The following GK variants were observed in gnomAD, a reference collection of about 807,000 sequenced individuals.
The protein encoded by GK is ATP:glycerol 3-phosphotransferase.
A neutral mutation model predicts 56.4 loss-of-function variants in GK; 9 were observed. The observed-to-expected ratio is 0.16, with a 90% CI of 0.10 to 0.28. The LOEUF (loss-of-function observed/expected upper bound fraction) is 0.28. Among genes scored for constraint, GK ranks in the 10% least tolerant of loss-of-function variants. GK has a pLI of 1.00. For synonymous variants in GK, 104 were observed against 144.1 expected (o/e 0.72, Z 1.99); for missense variants, 161 against 431.4 (o/e 0.37, Z 5.55).
chrX:30,695,203 C>A, intron 6 of GK: 1 of 865,247 alleles, frequency 1.2e-6, no homozygotes, highest in Non-Finnish European at 1.5e-6. Flanking sequence ...TCTCACTTGA[C>A]AGATCCACAG....
intron 1 of GK, among the ~76,000 whole-genome samples, chrX:30,659,998 C>T (rs1932626897): frequency 8.9e-6 from 1 of 111,925 alleles, no homozygotes; most frequent in African/African-American, 3.2e-5. Flanking sequence ...ATCCACCCAC[C>T]TCGGCCTTCC....
rs1279030524 is a variant in GK at position 30,700,452 on chromosome X, A to G, written c.783+3A>G. The G allele has an allele frequency of 1.7e-6, 2 of 1,180,638 alleles. No individual in the cohort carries two copies. Among genetic ancestry groups the G allele is most frequent in the Non-Finnish European group, 2.3e-6 (2 of 867,804 alleles). ...TGGAAGGTGTGCCAATATCTGGGGT[A>G]AGTTTCATCACCAAGTGTCTCCCCA... On this transcript the variant is annotated splice_donor_region_variant and intron_variant, in intron 10 of 20. Transcript: ENST00000427190.
intron 1 of GK, among the ~76,000 whole-genome samples, chrX:30,662,375 T>G (rs1168841127): frequency 1.8e-5 from 2 of 112,284 alleles, no homozygotes; most frequent in African/African-American, 6.5e-5. Flanking sequence ...TAAGGTGGTG[T>G]CAGTCTCCTA....
In GK at chrX:30,729,891, A is replaced by T. The variant is rs1937283889; in HGVS notation, c.*1149A>T. 1 of 112,122 alleles carries T rather than the reference A, an allele frequency of 8.9e-6. No homozygotes were observed. The highest frequency in any genetic ancestry group is 1.9e-5 in the Non-Finnish European group (1 of 53,088). The allele number at this position is 112,122 out of a possible 1,213,427, so 9.2% of individuals were successfully genotyped here. On this transcript the variant is annotated 3_prime_UTR_variant, in exon 21 of 21. Coordinates refer to ENST00000427190, the MANE Select transcript of GK (RefSeq NM_001205019.2). Reference sequence around the variant, plus strand: ...TGGATCCTATTGAGGGGATAAGAGGATGTCAAAAAAGTTAAATACCTAAGT... The same window carrying T: ...TGGATCCTATTGAGGGGATAAGAGGTTGTCAAAAAAGTTAAATACCTAAGT...
At chrX:30,683,988 C>T (rs1375905438) in intron 4 of GK, among the ~76,000 whole-genome samples, 1 of 111,851 alleles carries the variant, frequency 8.9e-6, no homozygotes, top group African/African-American at 3.3e-5. Context: ...ACGGGGTTTC[C>T]TCTACCCACC....
At chrX:30,701,467 A>G (rs1384279762) in intron 11 of GK, among the ~76,000 whole-genome samples, 2 of 112,407 alleles carry the variant, frequency 1.8e-5, no homozygotes, top group African/African-American at 6.5e-5. Context: ...TTTATATCCT[A>G]AAAACTAAAT....
rs1438174027 is a variant in GK at position 30,729,537 on chromosome X, G to A, written c.*795G>A. 1.8e-5 allele frequency: 2 copies of A among 109,259 alleles called. No individual in the cohort carries two copies. The highest frequency in any genetic ancestry group is 3.3e-5 in the African/African-American group (1 of 30,297). The allele number at this position is 109,259 out of a possible 1,213,427, so 9.0% of individuals were successfully genotyped here. On this transcript the variant is annotated 3_prime_UTR_variant, in exon 21 of 21. Transcript: ENST00000427190. ...ATTAAGAGCACATTATATTCAGAAG[G>A]TTCTAACAGGGCTGGTCTTAAGTGA...
chrX:30,715,632 T>C (rs1936578157), intron 13 of GK, among the ~76,000 whole-genome samples: 4 of 112,163 alleles, frequency 3.6e-5, no homozygotes. Context: ...TTTTAGGTTT[T>C]GGCTGCTATA....
rs1434331062 is a variant in GK, at chrX:30,729,973, G to C, written c.*1231G>C. ...TCTTTCAGTTCAAATGTTATCAATT[G>C]TTAATAAGAAATTGCTATCTGGGAT... is the stretch of plus-strand genomic sequence containing the variant. On this transcript the variant is annotated 3_prime_UTR_variant, in exon 21 of 21. Transcript: ENST00000427190. 1.8e-5 allele frequency: 2 copies of C among 112,016 alleles called. No homozygotes were observed. Among genetic ancestry groups the C allele is most frequent in the Non-Finnish European group, 3.8e-5 (2 of 53,069 alleles). The allele number at this position is 112,016 out of a possible 1,213,427, so 9.2% of individuals were successfully genotyped here.
At chrX:30,657,446 A>G (rs1468442164) in intron 1 of GK, among the ~76,000 whole-genome samples, 1 of 112,286 alleles carries the variant, frequency 8.9e-6, no homozygotes, top group African/African-American at 3.2e-5. Flanking sequence ...AGGAGGGGCC[A>G]TTTCTTTGTA....
At chrX:30,702,597 C>T (rs767124909) in intron 11 of GK, among the ~76,000 whole-genome samples, 13 of 111,984 alleles carry the variant, frequency 1.2e-4, no homozygotes, top group Non-Finnish European at 1.7e-4. Context: ...CAGCACACAA[C>T]TAGTAAGTGG....
intron 1 of GK, among the ~76,000 whole-genome samples, chrX:30,659,224 G>C (rs1244086260): frequency 9.0e-6 from 1 of 111,500 alleles, no homozygotes; most frequent in Non-Finnish European, 1.9e-5. Context: ...GTAGAGATGG[G>C]GTTTCTCCAT....
chrX:30,689,523 A>G (rs1263840215), intron 4 of GK: 1 of 331,546 alleles, frequency 3.0e-6, no homozygotes, highest in African/African-American at 2.6e-5. Context: ...CTCAGACAGT[A>G]TCACCTGCAT....
Position 30,724,196 on chromosome X carries a change from GT to G in GK, c.1582+18del. 9.9e-7 allele frequency: 1 copy of G among 1,007,453 alleles called. No homozygotes were observed. Among genetic ancestry groups the G allele is most frequent in the Non-Finnish European group, 1.4e-6 (1 of 712,284 alleles). The allele number at this position is 1,007,453 out of a possible 1,213,427, so 83.0% of individuals were successfully genotyped here. ...TCCAGAAAGTGGTAAAAATGTTTTT[GT>G]TTATTATTGTCACATTTTCTTAGTA... is the stretch of plus-strand genomic sequence containing the variant. On this transcript the variant is annotated intron_variant, in intron 19 of 20. Coordinates refer to ENST00000427190, the MANE Select transcript of GK (RefSeq NM_001205019.2).
chrX:30,670,375 T>C (rs1457930145), intron 3 of GK, among the ~76,000 whole-genome samples: 3 of 111,571 alleles, frequency 2.7e-5, no homozygotes, highest in African/African-American at 6.5e-5. Flanking sequence ...TTTTTACGGT[T>C]ATGTGAAGAT....
At chrX:30,677,253 T>C in intron 3 of GK, 122 bp from the exon 4 acceptor site, 3 of 526,776 alleles carry the variant, frequency 5.7e-6, no homozygotes, top group Non-Finnish European at 1.0e-5. Flanking sequence ...TACAAATGTT[T>C]CAAGTATTTT....
intron 18 of GK, chrX:30,723,609 GT>G: frequency 6.7e-6 from 1 of 149,710 alleles, no homozygotes; most frequent in Non-Finnish European, 1.3e-5. Context: ...CCCCTATCCT[GT>G]TTTTGTTTGT....
chrX:30,697,832 G>A, intron 9 of GK, 83 bp downstream of exon 9: 1 of 674,096 alleles, frequency 1.5e-6, no homozygotes, highest in Non-Finnish European at 2.5e-6. Flanking sequence ...ACAAGCAGAA[G>A]TCCATTTACT....
chrX:30,707,137 T>C (rs1333217791), intron 11 of GK, among the ~76,000 whole-genome samples: 1 of 111,336 alleles, frequency 9.0e-6, no homozygotes, highest in Admixed American at 9.6e-5. Flanking sequence ...AAGGCCATCC[T>C]GACTAACACG....
Sources: gnomAD v4.1 joint callset for allele counts (sites outside exome capture counted in the v4.1 genomes callset) on GRCh38, gnomAD v4.1.1 for gene constraint, MANE v1.5 for transcripts, NCBI Gene and HGNC (gene_info 2026-07-23, HGNC 2026-07-21) for gene names.